Variants in WDR6 observed in about 807,000 individuals in gnomAD.
WDR6 encodes the protein tRNA (34-2'-O)-methyltransferase regulator WDR6.
A neutral mutation model predicts 85.6 loss-of-function variants in WDR6; 58 were observed. That is an observed-to-expected ratio of 0.68 (90% CI 0.55 to 0.84). The LOEUF (loss-of-function observed/expected upper bound fraction) is 0.84, where lower values mean the gene tolerates loss of function less well. Among genes scored for constraint, WDR6 ranks in the 40% least tolerant of loss-of-function variants. The pLI, the probability that WDR6 is intolerant of heterozygous loss-of-function variation, is 0.00. For synonymous variants in WDR6, 569 were observed against 582.2 expected, an observed-to-expected ratio of 0.98 and a Z score of 0.33; for missense variants, 1,310 against 1,476.4, an observed-to-expected ratio of 0.89 and a Z score of 1.85.
Position 49,014,665 on chromosome 3 carries a change from T to C in WDR6, c.2849T>C (p.Leu950Pro), listed in dbSNP as rs2093040883. The change falls in exon 5 of 6, where the codon CTA becomes CCA. Residue 950 changes from leucine (L) to proline (P), a missense_variant. Leu to Pro is a moderately conservative substitution (Grantham distance 98, BLOSUM62 -3). Coordinates refer to ENST00000608424, the MANE Select transcript of WDR6 (RefSeq NM_018031.6). The surrounding 1 kb of genome is among the most constrained non-coding windows in gnomAD (Gnocchi z 4.9). ...GCTTTCTGGGATCTCACCACCATGCTAGACCATGACTCCACTGTCCTGGAG... is the reference window on the plus strand; with the variant it reads ...GCTTTCTGGGATCTCACCACCATGCCAGACCATGACTCCACTGTCCTGGAG... ...SLAFWDLTTM[L>P]DHDSTVLEPP... The C allele has an allele frequency of 1.9e-6, 3 of 1,613,640 alleles. No homozygotes were observed. Among genetic ancestry groups the C allele is most frequent in the East Asian group, 2.2e-5 (1 of 44,868 alleles).
rs892854621 is a variant in WDR6 at position 49,011,852 on chromosome 3, G to A, written c.318G>A (p.Glu106=). 6.2e-7 allele frequency: 1 copy of A among 1,614,254 alleles called. No homozygotes were observed. The highest frequency in any genetic ancestry group is 1.3e-5 in the African/African-American group (1 of 75,072). ...GCTGGGGACAGGGCCACTTCTGGGA[G>A]CTTTGGCGCTCTGGCCTGTGGAACA... ...KISWGQGHFW[E]LWRSGLWNMS... Residue 106 remains glutamate (E), a synonymous_variant, in exon 2 of 6, where the codon GAG becomes GAA. Transcript: ENST00000608424.
At position 49,007,451 on chromosome 3, in the gene WDR6, A is replaced by G. The variant is rs2092989338; in HGVS notation, c.20A>G (p.Tyr7Cys). MDALED[Y>C]VWPRATSELI... Reference sequence around the variant, plus strand: ...ATCGACATGGACGCTCTCGAGGACTACGTTTGGCCGCGGGCAACCTCGGAG... The same window carrying G: ...ATCGACATGGACGCTCTCGAGGACTGCGTTTGGCCGCGGGCAACCTCGGAG... Residue 7 changes from tyrosine (Y) to cysteine (C), a missense_variant, in exon 1 of 6, where the codon TAC becomes TGC. Tyr to Cys is a radical substitution (Grantham distance 194). Transcript: ENST00000608424. The surrounding 1 kb of genome is among the most constrained non-coding windows in gnomAD (Gnocchi z 5.1). 2 of 1,612,400 alleles carry G rather than the reference A, an allele frequency of 1.2e-6. No individual in the cohort carries two copies. The highest frequency in any genetic ancestry group is 1.3e-5 in the African/African-American group (1 of 75,038).
At chr3:49,009,732 C>CT (rs1174476985) in intron 1 of WDR6, among the ~76,000 whole-genome samples, 159 of 144,740 alleles carry the variant, frequency 1.1e-3, no homozygotes, top group East Asian at 3.4e-3. Context: ...TTTTATTTTA[C>CT]TTTTTTTTTT....
Position 49,012,377 on chromosome 3 carries a change from G to A in WDR6, c.843G>A (p.Leu281=), listed in dbSNP as rs763704867. ...LISAGEDCVC[L]VWSHEGEILQ... Reference sequence around the variant, plus strand: ...GTGCAGGAGAGGATTGTGTCTGCTTGGTGTGGAGCCATGAAGGTGAGATCC... The same window carrying A: ...GTGCAGGAGAGGATTGTGTCTGCTTAGTGTGGAGCCATGAAGGTGAGATCC... The change falls in exon 2 of 6, where the codon TTG becomes TTA. Residue 281 remains leucine (L), a synonymous_variant. Coordinates refer to ENST00000608424, the MANE Select transcript of WDR6 (RefSeq NM_018031.6). This position sits in a 1 kb window ranked among gnomAD's most constrained non-coding sequence, Gnocchi z 4.4. The A allele has an allele frequency of 6.2e-7, 1 of 1,614,208 alleles. No individual in the cohort carries two copies. The highest frequency in any genetic ancestry group is 8.5e-7 in the Non-Finnish European group (1 of 1,180,046).
chr3:49,010,745 G>T (rs764508739), intron 1 of WDR6, among the ~76,000 whole-genome samples: 16 of 152,060 alleles, frequency 1.1e-4, no homozygotes, highest in Non-Finnish European at 1.0e-4. Context: ...AGCTACTCGG[G>T]AGGCTGAGGC....
Position 49,015,329 on chromosome 3 carries a change from T to C in WDR6, c.*41T>C. 1 of 1,588,418 alleles carries C rather than the reference T, an allele frequency of 6.3e-7. No individual in the cohort carries two copies. Among genetic ancestry groups the C allele is most frequent in the South Asian group, 1.1e-5 (1 of 89,912 alleles). ...CTGGCGTGCTGGGCATGGGGCCTGC[T>C]CACAGACAGCATGGAGCAGGGATGG... On this transcript the variant is annotated 3_prime_UTR_variant, in exon 6 of 6. Coordinates refer to ENST00000608424, the MANE Select transcript of WDR6 (RefSeq NM_018031.6).
intron 1 of WDR6, among the ~76,000 whole-genome samples, chr3:49,010,959 G>A (rs1264602215): frequency 6.6e-6 from 1 of 151,264 alleles, no homozygotes; most frequent in Non-Finnish European, 1.5e-5. Context: ...GGAGGTTGCA[G>A]TGAGCTGCAC....
rs1228004838 is a variant in WDR6, at chr3:49,015,087, C to T, written c.3165C>T (p.Ser1055=). ...ATGTGACAGGCCTCAAGATCCTAAGCCCAAGCATCATGGTCTCAGCCTCCA... is the reference window on the plus strand; with the variant it reads ...ATGTGACAGGCCTCAAGATCCTAAGTCCAAGCATCATGGTCTCAGCCTCCA... The part of the protein sequence containing the change: ...AAHVTGLKIL[S]PSIMVSASID... The change falls in exon 6 of 6, where the codon AGC becomes AGT. Residue 1055 remains serine, a synonymous_variant. Transcript: ENST00000608424. 3.1e-6 allele frequency: 5 copies of T among 1,614,008 alleles called. No homozygotes were observed. In the African/African-American group the frequency reaches 6.7e-5, roughly 22 times the overall value.
Position 49,011,489 on chromosome 3 carries a change from G to A in WDR6, c.101-146G>A, listed in dbSNP as rs1410643409. 2.5e-6 allele frequency: 4 copies of A among 1,608,176 alleles called. No homozygotes were observed. The African/African-American group carries it at 4.0e-5, about 16-fold the overall frequency. On this transcript the variant is annotated intron_variant, in intron 1 of 5. Transcript: ENST00000608424. The stretch of plus-strand genomic sequence containing the variant: ...GCCACCGCACCCGGCCGAGACCAAG[G>A]ATTTTCTAAGATTCAAGCTGCAGGA...
rs2106707586 is a variant in WDR6, at chr3:49,015,033, A to C, written c.3111A>C (p.Glu1037Asp). 6.2e-7 allele frequency: 1 copy of C among 1,614,174 alleles called. No individual in the cohort carries two copies. Among genetic ancestry groups the C allele is most frequent in the Non-Finnish European group, 8.5e-7 (1 of 1,180,036 alleles). ...TACCCCAGCTGCGTGTGCTAGAGGA[A>C]TACTCTGTCCCCTGTGCACATGCTG... ...GLVPQLRVLE[E>D]YSVPCAHAAH... is the part of the protein sequence containing the mutation. The change falls in exon 6 of 6, where the codon GAA becomes GAC. Residue 1037 changes from glutamate to aspartate, a missense_variant. By Grantham distance (45) the Glu-to-Asp change is conservative. Transcript: ENST00000608424.
rs751208817 is a variant in WDR6 at position 49,015,132 on chromosome 3, C to G, written c.3210C>G (p.Phe1070Leu). Residue 1070 changes from phenylalanine (F) to leucine (L), a missense_variant, in exon 6 of 6, where the codon TTC (phenylalanine) becomes TTG (leucine). By Grantham distance (22) the Phe-to-Leu change is conservative. Coordinates refer to ENST00000608424, the MANE Select transcript of WDR6 (RefSeq NM_018031.6). ...CCTCCATTGATCAACGGCTGACCTT[C>G]TGGCGTCTGGGGCATGGTGAACCCA... is the stretch of plus-strand genomic sequence containing the variant. ...VSASIDQRLT[F>L]WRLGHGEPTF... The G allele has an allele frequency of 2.5e-6, 4 of 1,613,888 alleles. No individual in the cohort carries two copies. The East Asian group carries it at 8.9e-5, about 36-fold the overall frequency.
At position 49,013,867 on chromosome 3, in the gene WDR6, G is replaced by T; in HGVS notation, c.2333G>T (p.Arg778Leu). ...GTTTGTAACCATATCTCCTCGGTAC[G>T]TGCTGTGGCTGTGTGGGGCATTGGC... ...TAVCNHISSV[R>L]AVAVWGIGTP... Residue 778 changes from arginine to leucine, a missense_variant, in exon 2 of 6, where the codon CGT becomes CTT. Arg to Leu is a moderately radical substitution (Grantham distance 102). Coordinates refer to ENST00000608424, the MANE Select transcript of WDR6 (RefSeq NM_018031.6). The surrounding 1 kb of genome is among the most constrained non-coding windows in gnomAD (Gnocchi z 4.6). 1 of 1,614,034 alleles carries T rather than the reference G, an allele frequency of 6.2e-7. No homozygotes were observed. Among genetic ancestry groups the T allele is most frequent in the South Asian group, 1.1e-5 (1 of 91,082 alleles).
At chr3:49,010,952 G>C (rs2093010883) in intron 1 of WDR6, among the ~76,000 whole-genome samples, 1 of 151,248 alleles carries the variant, frequency 6.6e-6, no homozygotes, top group Non-Finnish European at 1.5e-5. Flanking sequence ...AGGAGATGGA[G>C]GTTGCAGTGA....
rs2093045547 is a variant in WDR6, at chr3:49,015,094, A to C, written c.3172A>C (p.Ile1058Leu). Reference protein sequence around the residue: ...VTGLKILSPSIMVSASIDQRL... With the variant: ...VTGLKILSPSLMVSASIDQRL... ...AGGCCTCAAGATCCTAAGCCCAAGCATCATGGTCTCAGCCTCCATTGATCA... is the reference window on the plus strand; with the variant it reads ...AGGCCTCAAGATCCTAAGCCCAAGCCTCATGGTCTCAGCCTCCATTGATCA... Residue 1058 changes from isoleucine to leucine, a missense_variant, in exon 6 of 6, where the codon ATC becomes CTC. Coordinates refer to ENST00000608424, the MANE Select transcript of WDR6 (RefSeq NM_018031.6). The C allele has an allele frequency of 1.2e-6, 2 of 1,614,034 alleles. No homozygotes were observed. Among genetic ancestry groups the C allele is most frequent in the Non-Finnish European group, 1.7e-6 (2 of 1,180,034 alleles).
In WDR6 at chr3:49,015,330, C is replaced by CACAG; in HGVS notation, c.*47_*50dup. Reference sequence around the variant, plus strand: ...TGGCGTGCTGGGCATGGGGCCTGCTCACAGACAGCATGGAGCAGGGATGGG... The same window carrying CACAG: ...TGGCGTGCTGGGCATGGGGCCTGCTCACAGACAGACAGCATGGAGCAGGGATGGG... On this transcript the variant is annotated 3_prime_UTR_variant, in exon 6 of 6. Transcript: ENST00000608424. 1.3e-6 allele frequency: 2 copies of CACAG among 1,587,588 alleles called. No individual in the cohort carries two copies. Among genetic ancestry groups the CACAG allele is most frequent in the Non-Finnish European group, 1.7e-6 (2 of 1,169,010 alleles).
At position 49,012,888 on chromosome 3, in the gene WDR6, C is replaced by T. The variant is rs763409181; in HGVS notation, c.1354C>T (p.Leu452=). 6 of 1,613,670 alleles carry T rather than the reference C, an allele frequency of 3.7e-6. No homozygotes were observed. In the African/African-American group the frequency reaches 6.7e-5, roughly 18 times the overall value. The part of the protein sequence containing the change: ...SWALRGYEEL[L]LLASGPGGVV... The stretch of plus-strand genomic sequence containing the variant: ...GGCCCTGCGTGGTTATGAGGAGCTC[C>T]TGTTGCTGGCATCGGGCCCTGGCGG... Residue 452 remains leucine, a synonymous_variant, in exon 2 of 6, where the codon CTG becomes TTG. Transcript: ENST00000608424. This position sits in a 1 kb window ranked among gnomAD's most constrained non-coding sequence, Gnocchi z 4.4.
rs761018207 is a variant in WDR6, at chr3:49,014,063, T to C, written c.2529T>C (p.Tyr843=). The change falls in exon 2 of 6, where the codon TAT becomes TAC. Residue 843 remains tyrosine, a synonymous_variant. Coordinates refer to ENST00000608424, the MANE Select transcript of WDR6 (RefSeq NM_018031.6). The surrounding 1 kb of genome is among the most constrained non-coding windows in gnomAD (Gnocchi z 4.9). ...MHLSSHRLDE[Y]WDRQRNRHRM... The stretch of plus-strand genomic sequence containing the variant: ...TTTCGTCCCACCGGCTAGATGAGTA[T>C]TGGGACCGGCAACGCAATCGGCATC... 9.3e-6 allele frequency: 15 copies of C among 1,613,166 alleles called. No individual in the cohort carries two copies. In the Middle Eastern group the frequency reaches 4.9e-4, roughly 53 times the overall value.
chr3:49,010,849 CAAA>C (rs1362796360), intron 1 of WDR6, among the ~76,000 whole-genome samples: 1 of 77,212 alleles, frequency 1.3e-5, no homozygotes, highest in Non-Finnish European at 2.7e-5. Flanking sequence ...GACTCCGTCT[CAAA>C]AAAAAAAAAA....
In WDR6 at chr3:49,012,686, G is replaced by T. The variant is rs2093023951; in HGVS notation, c.1152G>T (p.Leu384=). 3 of 1,613,926 alleles carry T rather than the reference G, an allele frequency of 1.9e-6. No individual in the cohort carries two copies. The African/African-American group carries it at 4.0e-5, about 22-fold the overall frequency. The part of the protein sequence containing the change: ...YDVEVKCWEQ[L]LEDKHFQSYC... ...TCGAGGTCAAGTGCTGGGAGCAGCT[G>T]CTAGAGGATAAACATTTCCAGTCCT... Residue 384 remains leucine (L), a synonymous_variant, in exon 2 of 6, where the codon CTG becomes CTT. Coordinates refer to ENST00000608424, the MANE Select transcript of WDR6 (RefSeq NM_018031.6). This position sits in a 1 kb window ranked among gnomAD's most constrained non-coding sequence, Gnocchi z 4.4.
Sources: allele counts gnomAD v4.1 joint callset (sites outside exome capture counted in the v4.1 genomes callset), GRCh38; gene constraint gnomAD v4.1.1; non-coding constraint Gnocchi (gnomAD v3.1); transcripts MANE v1.5; gene names NCBI Gene and HGNC (gene_info 2026-07-23, HGNC 2026-07-21).